The following CERS6 variants were observed in gnomAD, a reference collection of about 807,000 sequenced individuals.
CERS6 encodes ceramide synthase 6.
Under a neutral mutation model 56.8 loss-of-function variants are expected in CERS6, and 26 were observed. The observed-to-expected ratio is 0.46, with a 90% CI of 0.34 to 0.63. The LOEUF (loss-of-function observed/expected upper bound fraction) is 0.63, where lower values mean the gene tolerates loss of function less well. Ranked by LOEUF, CERS6 falls within the 30% of genes least tolerant of loss-of-function variation. The pLI is 0.01. For missense variants in CERS6, 415 were observed against 467.5 expected, an observed-to-expected ratio of 0.89 and a Z score of 1.04; for synonymous variants, 164 against 173.3, an observed-to-expected ratio of 0.95 and a Z score of 0.42.
chr2:168,576,516 A>G (rs543072445), intron 3 of CERS6, among the ~76,000 whole-genome samples: 11 of 152,060 alleles, frequency 7.2e-5, no homozygotes, highest in African/African-American at 2.2e-4. Context: ...TTATATTTCT[A>G]TTTCTTTCCA....
At chr2:168,607,544 G>C (rs1417945883) in intron 3 of CERS6, among the ~76,000 whole-genome samples, 3 of 151,998 alleles carry the variant, frequency 2.0e-5, no homozygotes, top group Non-Finnish European at 2.9e-5. Context: ...ACTATGCCCG[G>C]CTAATTTTTG....
chr2:168,730,255 A>G (rs541195094), intron 8 of CERS6, among the ~76,000 whole-genome samples: 1 of 152,364 alleles, frequency 6.6e-6, no homozygotes, highest in East Asian at 1.9e-4. Context: ...ACAGCTGGTC[A>G]TAAAACAGAA....
intron 3 of CERS6, among the ~76,000 whole-genome samples, chr2:168,580,566 CAG>C (rs1683385732): frequency 6.6e-6 from 1 of 152,098 alleles, no homozygotes; most frequent in Non-Finnish European, 1.5e-5. Context: ...CCTTAAACAA[CAG>C]AGACAATTTT....
chr2:168,542,346 T>C lies in CERS6; in HGVS notation c.171-5250T>C, dbSNP rs111400689. On this transcript the variant is annotated intron_variant, in intron 1 of 9. Coordinates refer to ENST00000305747, the MANE Select transcript of CERS6 (RefSeq NM_203463.3). ...AACATTTTATAAATTTCTAGTATGG[T>C]ATCAGAACCAGGCTTTTGACATTGA... 8.6e-3 allele frequency among the ~76,000 whole-genome samples: 1,312 copies of C among 152,366 alleles called. 13 individuals carry two copies. The highest frequency in any genetic ancestry group is 0.03 in the African/African-American group (1,229 of 41,576).
chr2:168,561,339 CTT>C lies in CERS6; in HGVS notation c.407+21_407+22del. The C allele has an allele frequency of 6.2e-7, 1 of 1,613,746 alleles. No homozygotes were observed. The highest frequency in any genetic ancestry group is 8.5e-7 in the Non-Finnish European group (1 of 1,179,824). On this transcript the variant is annotated intron_variant, in intron 3 of 9. Transcript: ENST00000305747. ...TGAGAGCATGTAAGTTGCTGTTTTT[CTT>C]TTTGAAAGAAAAGACCTAAGTACTC...
In CERS6 at chr2:168,662,908, TGAAGA is replaced by T. The variant is rs1275594603; in HGVS notation, c.466-28121_466-28117del. Among the ~76,000 whole-genome samples the T allele has an allele frequency of 3.3e-5, 5 of 152,214 alleles. No homozygotes were observed. In the East Asian group the frequency reaches 9.6e-4, roughly 29 times the overall value. On this transcript the variant is annotated intron_variant, in intron 4 of 9. Transcript: ENST00000305747. ...CTATTAAAATGATTCATCTTTGCCATGAAGAGAAGTCAGGCATAACCAAAAAATAT... is the reference window on the plus strand; with the variant it reads ...CTATTAAAATGATTCATCTTTGCCATGAAGTCAGGCATAACCAAAAAATAT...
At chr2:168,686,019 A>C (rs1012510974) in intron 4 of CERS6, among the ~76,000 whole-genome samples, 7 of 149,184 alleles carry the variant, frequency 4.7e-5, no homozygotes, top group Non-Finnish European at 7.4e-5. Context: ...AATAAGCACC[A>C]TTTATGAGGA....
intron 4 of CERS6, among the ~76,000 whole-genome samples, chr2:168,654,342 G>A (rs534244660): frequency 2.0e-5 from 3 of 152,128 alleles, no homozygotes; most frequent in Non-Finnish European, 2.9e-5. Flanking sequence ...TGAGGAGTTC[G>A]AGACCAGCCT....
chr2:168,742,890 A>G (rs1683959973), intron 8 of CERS6, among the ~76,000 whole-genome samples: 1 of 152,164 alleles, frequency 6.6e-6, no homozygotes, highest in Admixed American at 6.5e-5. Flanking sequence ...ATTGATTCTA[A>G]TGATTATGAG....
intron 1 of CERS6, among the ~76,000 whole-genome samples, chr2:168,482,647 T>C (rs1273369680): frequency 6.6e-6 from 1 of 152,270 alleles, no homozygotes; most frequent in Non-Finnish European, 1.5e-5. Context: ...GTTTCTGTTT[T>C]CCATTTATAC....
At chr2:168,553,908 G>T (rs1020682442) in intron 2 of CERS6, among the ~76,000 whole-genome samples, 1 of 152,146 alleles carries the variant, frequency 6.6e-6, no homozygotes, top group African/African-American at 2.4e-5. Flanking sequence ...TCTCTAAGAG[G>T]GGAGTCAAAG....
At chr2:168,524,711 G>C (rs1348382610) in intron 1 of CERS6, among the ~76,000 whole-genome samples, 1 of 152,176 alleles carries the variant, frequency 6.6e-6, no homozygotes, top group Non-Finnish European at 1.5e-5. Flanking sequence ...GAATGAGACA[G>C]ATGATCATTT....
intron 1 of CERS6, among the ~76,000 whole-genome samples, chr2:168,481,389 G>C (rs1404415471): frequency 6.6e-6 from 1 of 152,130 alleles, no homozygotes; most frequent in African/African-American, 2.4e-5. Context: ...ACTCCAGCCT[G>C]GGCAACAGAG....
intron 8 of CERS6, among the ~76,000 whole-genome samples, chr2:168,752,348 G>T (rs967325455): frequency 6.6e-6 from 1 of 151,232 alleles, no homozygotes; most frequent in Non-Finnish European, 1.5e-5. Context: ...GGCTAAGTTT[G>T]ACACTGGAAT....
rs576961732 is a variant in CERS6 at position 168,695,460 on chromosome 2, A to C, written c.609+409A>C. 2.6e-5 allele frequency among the ~76,000 whole-genome samples: 4 copies of C among 152,266 alleles called. No homozygotes were observed. The South Asian group carries it at 8.3e-4, about 32-fold the overall frequency. ...CAATTGCAGGGTTGTCCAGTGTCAA[A>C]ATATGTCTCGGAAATGCAGCATTCC... On this transcript the variant is annotated intron_variant, in intron 6 of 9. Transcript: ENST00000305747.
intron 6 of CERS6, among the ~76,000 whole-genome samples, chr2:168,708,243 G>A (rs1329209961): frequency 6.6e-6 from 1 of 152,076 alleles, no homozygotes; most frequent in African/African-American, 2.4e-5. Context: ...AATGGAGATG[G>A]AGACTGAGTA....
At chr2:168,683,721 T>C (rs1228573350) in intron 4 of CERS6, among the ~76,000 whole-genome samples, 1 of 152,160 alleles carries the variant, frequency 6.6e-6, no homozygotes, top group Non-Finnish European at 1.5e-5. Flanking sequence ...TTGGTCTCTT[T>C]TACTTTGCAG....
intron 3 of CERS6, among the ~76,000 whole-genome samples, chr2:168,615,309 C>T (rs1290654607): frequency 1.3e-5 from 2 of 152,052 alleles, no homozygotes; most frequent in Non-Finnish European, 2.9e-5. Flanking sequence ...AAACAAGTTT[C>T]TTTAACACCC....
At chr2:168,628,173 T>G (rs540023020) in intron 3 of CERS6, among the ~76,000 whole-genome samples, 5 of 152,220 alleles carry the variant, frequency 3.3e-5, no homozygotes, top group African/African-American at 4.8e-5. Context: ...CTTTGAATCT[T>G]TAACATGCCG....
Sources: gnomAD v4.1 joint callset for allele counts (sites outside exome capture counted in the v4.1 genomes callset) on GRCh38, gnomAD v4.1.1 for gene constraint, MANE v1.5 for transcripts, NCBI Gene and HGNC (gene_info 2026-07-23, HGNC 2026-07-21) for gene names.